The following PAH variants were observed in gnomAD, a reference collection of about 807,000 sequenced individuals.
PAH encodes the protein phenylalanine hydroxylase, also known as phenylalanine-4-hydroxylase.
Under a neutral mutation model 62.0 loss-of-function variants are expected in PAH, and 64 were observed. That is an observed-to-expected ratio of 1.03 (90% confidence interval 0.84 to 1.27). The LOEUF (loss-of-function observed/expected upper bound fraction) is 1.27. Among genes scored for constraint, PAH ranks in the 50% most tolerant of loss-of-function variants. The pLI is 0.00. For synonymous variants in PAH, 195 were observed against 196.2 expected (o/e 0.99, Z 0.05); for missense variants, 579 against 542.8 (o/e 1.07, Z -0.66).
exon 1 of PAH, chr12:102,958,365 G>C (rs545982257): frequency 2.8e-6 from 4 of 1,439,066 alleles, no homozygotes; most frequent in Non-Finnish European, 1.8e-6. Flanking sequence ...CGCGGCGGCC[G>C]CAGCCGCCGC....
In PAH at chr12:102,957,598, T is replaced by TG. The variant is rs1048410887; in HGVS notation, c.-96+596dup. 1 of 24,212 alleles carries TG rather than the reference T, an allele frequency of 4.1e-5. No homozygotes were observed. The highest frequency in any genetic ancestry group is 1.6e-4 in the African/African-American group (1 of 6,174). The allele number at this position is 24,212 out of a possible 1,614,324, so 1.5% of individuals were successfully genotyped here. A position where few individuals can be genotyped will look rare whatever the true frequency, so the allele number is the denominator to read the frequency against. On this transcript the variant is annotated intron_variant, in intron 1 of 4. Coordinates refer to the PAH transcript ENST00000551337. This position sits in a 1 kb window ranked among gnomAD's most constrained non-coding sequence, Gnocchi z 4.1. ...AGCCGCTCGCTGCAGCAGCGGGGAG[T>TG]GGGGGGCGAGGCGGGGCCAGGGCTG...
chr12:102,952,856 A>G (rs560304104), upstream of PAH, among the ~76,000 whole-genome samples: 1 of 152,376 alleles, frequency 6.6e-6, no homozygotes, highest in South Asian at 2.1e-4. Flanking sequence ...GGCTGCTGTG[A>G]CCAGGAAGCT....
chr12:102,923,660 C>T (rs1022485872), intron 1 of PAH: 2 of 152,112 alleles, frequency 1.3e-5, no homozygotes, highest in African/African-American at 2.4e-5. Context: ...AATGTTTGTA[C>T]ATATTTAAAA....
At chr12:102,868,128 A>G (rs181748093) in intron 4 of PAH, among the ~76,000 whole-genome samples, 161 of 14,614 alleles carry the variant, frequency 0.011, 8 homozygotes, top group African/African-American at 0.04. Flanking sequence ...ATATATGTGT[A>G]TATATATATA....
At position 102,871,890 on chromosome 12, in the gene PAH, C is replaced by A. The variant is rs1465301867; in HGVS notation, c.442-5227G>T. On this transcript the variant is annotated intron_variant, in intron 4 of 12. Coordinates refer to ENST00000553106, the MANE Select transcript of PAH (RefSeq NM_000277.3). ...TGAGCTGAGATCATGCCATTGCACT[C>A]CAGCCTGGGTGACAAGAGCAAAACT... is the stretch of plus-strand genomic sequence containing the variant. 3.5e-5 allele frequency among the ~76,000 whole-genome samples: 5 copies of A among 143,136 alleles called. 1 individual carries two copies. In the Admixed American group the frequency reaches 3.6e-4, roughly 10 times the overall value. The allele number at this position is 143,136 out of a possible 152,430, so 93.9% of individuals were successfully genotyped here.
At chr12:102,842,336 A>G (rs896574194) in intron 11 of PAH, among the ~76,000 whole-genome samples, 2 of 152,208 alleles carry the variant, frequency 1.3e-5, no homozygotes, top group African/African-American at 4.8e-5. Flanking sequence ...GAAGGACTTG[A>G]GAGCTCTGGA....
At chr12:102,855,072 C>G in intron 6 of PAH, 64 bp downstream of exon 6, 2 of 1,322,004 alleles carry the variant, frequency 1.5e-6, no homozygotes, top group Non-Finnish European at 2.2e-6. Flanking sequence ...CTTCCCCTTC[C>G]CTCTCCTCTG....
In PAH at chr12:102,856,078, CTAAA is replaced by C. The variant is rs71097946; in HGVS notation, c.510-750_510-747del. ...CAATTTTTATTTGTCAATTAGAAAA[CTAAA>C]TAAATAAGTTCTAGATCAAGGATAA... On this transcript the variant is annotated intron_variant, in intron 5 of 12. Coordinates refer to ENST00000553106, the MANE Select transcript of PAH (RefSeq NM_000277.3). Among the ~76,000 whole-genome samples, 30 of 149,844 alleles carry C rather than the reference CTAAA, an allele frequency of 2.0e-4. 1 individual carries two copies. Among genetic ancestry groups the C allele is most frequent in the African/African-American group, 7.1e-4 (29 of 40,854 alleles).
intron 6 of PAH, among the ~76,000 whole-genome samples, chr12:102,853,740 A>G (rs1875283172): frequency 1.3e-5 from 2 of 152,148 alleles, no homozygotes; most frequent in Non-Finnish European, 2.9e-5. Context: ...ACTTTGGAGG[A>G]TAAGGATAGT....
At chr12:102,904,990 A>G (rs1877918669) in intron 2 of PAH, among the ~76,000 whole-genome samples, 1 of 151,990 alleles carries the variant, frequency 6.6e-6, no homozygotes, top group Admixed American at 6.6e-5. Flanking sequence ...AAAGCTTTCT[A>G]CTCTCCCTAG....
At chr12:102,842,203 T>C (rs1874622466) in intron 11 of PAH, among the ~76,000 whole-genome samples, 1 of 152,108 alleles carries the variant, frequency 6.6e-6, no homozygotes, top group African/African-American at 2.4e-5. Context: ...GACAGGGTGC[T>C]CATCAGCACT....
At position 102,912,830 on chromosome 12, in the gene PAH, T is replaced by C. The variant is rs763089464; in HGVS notation, c.129A>G (p.Glu43=). 6.2e-7 allele frequency: 1 copy of C among 1,613,848 alleles called. No individual in the cohort carries two copies. Among genetic ancestry groups the C allele is most frequent in the South Asian group, 1.1e-5 (1 of 91,082 alleles). ...ATACTTTGGCCAATGCACCAACTTCTTCTTTGAGTGAGAAGATCAGTGATA... is the reference window on the plus strand; with the variant it reads ...ATACTTTGGCCAATGCACCAACTTCCTCTTTGAGTGAGAAGATCAGTGATA... ...GAISLIFSLK[E]EVGALAKVLR... Residue 43 remains glutamate (E), a synonymous_variant, in exon 2 of 13, where the codon GAA becomes GAG. Coordinates refer to ENST00000553106, the MANE Select transcript of PAH (RefSeq NM_000277.3).
chr12:102,938,358 C>T (rs147372181), intron 1 of PAH, among the ~76,000 whole-genome samples: 27 of 152,326 alleles, frequency 1.8e-4, no homozygotes, highest in Admixed American at 3.9e-4. Context: ...GCCTAGAGTC[C>T]GGGCAGAGCT....
chr12:102,947,081 A>T (rs867629666), intron 1 of PAH, among the ~76,000 whole-genome samples: 1 of 152,226 alleles, frequency 6.6e-6, no homozygotes, highest in Non-Finnish European at 1.5e-5. Context: ...TAAAGCAATG[A>T]TATAGTAATA....
At chr12:102,908,221 GACACACACACACAC>G (rs150345639) in intron 2 of PAH, among the ~76,000 whole-genome samples, 1 of 141,710 alleles carries the variant, frequency 7.1e-6, no homozygotes, top group Non-Finnish European at 1.5e-5. Context: ...CTGCAGCCCC[GACACACACACACAC>G]ACACACACAC....
At chr12:102,925,602 C>A (rs1410001337) in intron 1 of PAH, among the ~76,000 whole-genome samples, 4 of 152,114 alleles carry the variant, frequency 2.6e-5, no homozygotes, top group African/African-American at 9.7e-5. Context: ...CGTCTCATTG[C>A]AGACACAAAG....
chr12:102,918,963 T>C (rs529934236), upstream of PAH, among the ~76,000 whole-genome samples: 1 of 152,178 alleles, frequency 6.6e-6, no homozygotes, highest in Admixed American at 6.5e-5. Flanking sequence ...ATTACAGGCA[T>C]GCAATAAAGA....
At chr12:102,915,000 C>T (rs1162415932) in intron 1 of PAH, among the ~76,000 whole-genome samples, 7 of 152,204 alleles carry the variant, frequency 4.6e-5, no homozygotes, top group African/African-American at 1.4e-4. Flanking sequence ...ATCCCTCAAA[C>T]GCTCCATCCC....
chr12:102,903,811 A>G (rs1359280969), intron 2 of PAH, among the ~76,000 whole-genome samples: 1 of 152,284 alleles, frequency 6.6e-6, no homozygotes, highest in East Asian at 1.9e-4. Flanking sequence ...CTTGGAGCTC[A>G]GAGCTCTGTA....
Sources: gnomAD v4.1 joint callset for allele counts (sites outside exome capture counted in the v4.1 genomes callset) on GRCh38, gnomAD v4.1.1 for gene constraint, Gnocchi (gnomAD v3.1) non-coding constraint, MANE v1.5 for transcripts, NCBI Gene and HGNC (gene_info 2026-07-23, HGNC 2026-07-21) for gene names.